Variants in TACC1 observed in about 807,000 individuals in gnomAD.
The protein encoded by TACC1 is transforming acidic coiled-coil-containing protein 1.
In TACC1, 48 loss-of-function variants were observed where a neutral mutation model predicts 84.4. That is an observed-to-expected ratio of 0.57 (90% CI 0.45 to 0.72). TACC1 has a LOEUF of 0.72. Among genes scored for constraint, TACC1 ranks in the 30% least tolerant of loss-of-function variants. The pLI is 0.00. For synonymous variants in TACC1, 372 were observed against 376.3 expected (o/e 0.99, Z 0.13); for missense variants, 920 against 973.0 (o/e 0.95, Z 0.72).
rs1808953037 is a variant in TACC1, at chr8:38,751,106, A to G, written c.26+5613A>G. On this transcript the variant is annotated intron_variant, in intron 3 of 14. Transcript: ENST00000518415. Reference sequence around the variant, plus strand: ...TAAATTGGCATTTAAATAATTTCCAAATGAGGAGAGATGGGTAGCTCTGAG... The same window carrying G: ...TAAATTGGCATTTAAATAATTTCCAGATGAGGAGAGATGGGTAGCTCTGAG... Among the ~76,000 whole-genome samples, 3 of 152,178 alleles carry G rather than the reference A, an allele frequency of 2.0e-5. No homozygotes were observed. The South Asian group carries it at 6.2e-4, about 32-fold the overall frequency.
intron 1 of TACC1, among the ~76,000 whole-genome samples, chr8:38,730,197 C>A (rs559436039): frequency 6.6e-6 from 1 of 152,228 alleles, no homozygotes; most frequent in African/African-American, 2.4e-5. Flanking sequence ...TCCGTCCTCC[C>A]ATCCGCCTCC....
At chr8:38,782,488 CATGT>C (rs1176537982), upstream of TACC1, among the ~76,000 whole-genome samples, 1 of 152,118 alleles carries the variant, frequency 6.6e-6, no homozygotes, top group Admixed American at 6.5e-5. Context: ...CATATGTGTG[CATGT>C]GTCTTTATAG....
At chr8:38,775,228 A>G (rs1251224672) in intron 3 of TACC1, among the ~76,000 whole-genome samples, 1 of 152,152 alleles carries the variant, frequency 6.6e-6, no homozygotes, top group Non-Finnish European at 1.5e-5. Flanking sequence ...TGCAAGGGTT[A>G]TGAATCCTAG....
intron 2 of TACC1, among the ~76,000 whole-genome samples, chr8:38,807,133 A>G (rs1822949593): frequency 6.6e-6 from 1 of 152,176 alleles, no homozygotes; most frequent in East Asian, 1.9e-4. Flanking sequence ...CTCCATGCAC[A>G]TCTAAGCGTT....
At chr8:38,831,319 A>G (rs2152280397) in intron 6 of TACC1, 142 bp downstream of exon 6, 1 of 826,216 alleles carries the variant, frequency 1.2e-6, no homozygotes, top group Non-Finnish European at 2.0e-6. Flanking sequence ...CACTTGAGGA[A>G]CACATAGTCT....
intron 3 of TACC1, among the ~76,000 whole-genome samples, chr8:38,769,646 T>G (rs1813114050): frequency 7.1e-6 from 1 of 140,636 alleles, no homozygotes; most frequent in African/African-American, 2.7e-5. Context: ...CTACGTGGGG[T>G]GTGTGTGTGT....
At chr8:38,846,664 T>A (rs1332888584) in intron 11 of TACC1, 35 bp from the exon 12 acceptor site, 1 of 1,612,690 alleles carries the variant, frequency 6.2e-7, no homozygotes, top group Non-Finnish European at 8.5e-7. Context: ...TCATGTGCTT[T>A]TTGTCTCTTT....
At chr8:38,838,913 T>C (rs1830712135) in intron 8 of TACC1, among the ~76,000 whole-genome samples, 3 of 152,150 alleles carry the variant, frequency 2.0e-5, no homozygotes, top group Admixed American at 6.5e-5. Context: ...TTTTTTTTTT[T>C]TGAGGCAGGG....
At chr8:38,823,098 A>G (rs114982225) in intron 3 of TACC1, among the ~76,000 whole-genome samples, 4,512 of 152,284 alleles carry the variant, frequency 0.03, 218 homozygotes, top group African/African-American at 0.1. Flanking sequence ...GAAAAACTCC[A>G]GATATCATGG....
intron 3 of TACC1, among the ~76,000 whole-genome samples, chr8:38,777,076 T>G (rs1814948377): frequency 6.6e-6 from 1 of 151,730 alleles, no homozygotes; most frequent in African/African-American, 2.4e-5. Flanking sequence ...GCCAACATGG[T>G]GAAACCCCAT....
At chr8:38,733,749 C>G (rs1805426929) in intron 1 of TACC1, among the ~76,000 whole-genome samples, 2 of 152,082 alleles carry the variant, frequency 1.3e-5, no homozygotes, top group Non-Finnish European at 1.5e-5. Context: ...CCAGCCTCTC[C>G]CAGGCTCCCC....
chr8:38,827,193 T>C lies in TACC1; in HGVS notation c.1478T>C (p.Ile493Thr), dbSNP rs901913517. ...GATGAAGGGGCAGTGATCTCCCAGA[T>C]TTCAGACATTTCTAATAGGGATGGC... is the stretch of plus-strand genomic sequence containing the variant. ...SRDEGAVISQ[I>T]SDISNRDGHA... The change falls in exon 5 of 13, where the codon ATT becomes ACT. Residue 493 changes from isoleucine to threonine, a missense_variant. Physicochemically the swap from Ile to Thr is moderately conservative, Grantham distance 89 (BLOSUM62 -1). This residue lies in a region of TACC1 where 762 missense variants were observed against 747.3 expected (regional missense o/e 1.02). Coordinates refer to ENST00000317827, the MANE Select transcript of TACC1 (RefSeq NM_006283.3). 8.7e-6 allele frequency: 14 copies of C among 1,613,782 alleles called. No individual in the cohort carries two copies. Among genetic ancestry groups the C allele is most frequent in the Non-Finnish European group, 1.2e-5 (14 of 1,180,012 alleles).
At chr8:38,799,777 A>G (rs555220559) in intron 2 of TACC1, 1 of 152,300 alleles carries the variant, frequency 6.6e-6, no homozygotes, top group Admixed American at 6.5e-5. Flanking sequence ...GGGCTTCCTC[A>G]AGAGAAATTT....
chr8:38,750,371 GA>G, intron 3 of TACC1, among the ~76,000 whole-genome samples: 1 of 152,180 alleles, frequency 6.6e-6, no homozygotes, highest in Non-Finnish European at 1.5e-5. Context: ...ACTACAATGT[GA>G]AAAATCAATG....
chr8:38,785,205 C>A (rs763079139), upstream of TACC1, among the ~76,000 whole-genome samples: 34 of 152,122 alleles, frequency 2.2e-4, no homozygotes, highest in Non-Finnish European at 4.9e-4. Flanking sequence ...GAGACTGTTC[C>A]CGAAGCAGTA....
At position 38,848,651 on chromosome 8, in the gene TACC1, G is replaced by C. The variant is rs1013415051; in HGVS notation, c.*628G>C. ...GGATGTGAGACCCTATTTTGAAATA[G>C]AGTCCTGACTCAGAACACCAACTTA... On this transcript the variant is annotated 3_prime_UTR_variant, in exon 13 of 13. Coordinates refer to ENST00000317827, the MANE Select transcript of TACC1 (RefSeq NM_006283.3). 1 of 152,650 alleles carries C rather than the reference G, an allele frequency of 6.6e-6. No homozygotes were observed. Among genetic ancestry groups the C allele is most frequent in the African/African-American group, 2.4e-5 (1 of 41,442 alleles). 9.5% of individuals were successfully genotyped at this position (152,650 alleles called of 1,614,324 possible).
intron 3 of TACC1, among the ~76,000 whole-genome samples, chr8:38,764,151 C>T (rs192546628): frequency 6.6e-6 from 1 of 152,238 alleles, no homozygotes; most frequent in East Asian, 1.9e-4. Context: ...AATCTCAGCT[C>T]ACTGCAACCT....
chr8:38,819,212 A>G (rs1157152353), intron 2 of TACC1, among the ~76,000 whole-genome samples: 1 of 152,252 alleles, frequency 6.6e-6, no homozygotes, highest in Non-Finnish European at 1.5e-5. Context: ...GAATGTTAAC[A>G]TCACATAATA....
chr8:38,818,950 G>GT (rs1049308913), intron 2 of TACC1, among the ~76,000 whole-genome samples: 5 of 152,152 alleles, frequency 3.3e-5, no homozygotes, highest in African/African-American at 1.2e-4. Context: ...GCTAATTTTT[G>GT]TATTTTTAGT....
Sources: gnomAD v4.1 joint callset for allele counts (sites outside exome capture counted in the v4.1 genomes callset) on GRCh38, gnomAD v4.1.1 for gene constraint, gnomAD v4.1.1 regional missense constraint, MANE v1.5 for transcripts, NCBI Gene and HGNC (gene_info 2026-07-23, HGNC 2026-07-21) for gene names.